Variants in CCBE1 observed in about 807,000 individuals in gnomAD.
CCBE1 encodes the protein collagen and calcium binding EGF domains 1, also known as collagen and calcium-binding EGF domain-containing protein 1.
In CCBE1, 37 loss-of-function variants were observed where a neutral mutation model predicts 50.0. That is an observed-to-expected ratio of 0.74 (90% CI 0.57 to 0.97). The LOEUF is 0.97. CCBE1 is among the 50% of genes least tolerant of loss of function. The pLI, the probability that CCBE1 is intolerant of heterozygous loss-of-function variation, is 0.00. For synonymous variants in CCBE1, 234 were observed against 203.7 expected, an observed-to-expected ratio of 1.15 and a Z score of -1.27; for missense variants, 538 against 523.8, an observed-to-expected ratio of 1.03 and a Z score of -0.26.
At chr18:59,543,934 C>T (rs142505546) in intron 2 of CCBE1, among the ~76,000 whole-genome samples, 3 of 150,636 alleles carry the variant, frequency 2.0e-5, no homozygotes, top group African/African-American at 4.9e-5. Flanking sequence ...TGTGTTTAAA[C>T]GAGCATCACC....
intron 3 of CCBE1, among the ~76,000 whole-genome samples, chr18:59,478,806 T>C (rs183381866): frequency 5.9e-5 from 9 of 152,356 alleles, no homozygotes; most frequent in East Asian, 1.9e-4. Flanking sequence ...AAAGCTGTTA[T>C]AGAAAGAAGT....
chr18:59,479,175 C>T (rs535993035), intron 3 of CCBE1, among the ~76,000 whole-genome samples: 1 of 152,298 alleles, frequency 6.6e-6, no homozygotes, highest in South Asian at 2.1e-4. Flanking sequence ...CATTCCCCAC[C>T]CACCTCACCC....
intron 9 of CCBE1, 93 bp from the exon 10 acceptor site, chr18:59,438,239 C>A: frequency 1.8e-6 from 2 of 1,106,620 alleles, no homozygotes; most frequent in Admixed American, 3.6e-5. Context: ...CACTTCCCTG[C>A]ACAAAACAAT....
At chr18:59,471,812 T>C (rs962033601) in intron 3 of CCBE1, among the ~76,000 whole-genome samples, 1 of 152,228 alleles carries the variant, frequency 6.6e-6, no homozygotes, top group Non-Finnish European at 1.5e-5. Flanking sequence ...CTGGTTTGCT[T>C]CCTGGGCTTC....
Position 59,447,981 on chromosome 18 carries a change from AC to A in CCBE1, c.775+1del, listed in dbSNP as rs773665668. 2 of 1,613,984 alleles carry A rather than the reference AC, an allele frequency of 1.2e-6. No homozygotes were observed. The highest frequency in any genetic ancestry group is 2.2e-5 in the South Asian group (2 of 91,066). Reference sequence around the variant, plus strand: ...CCCTCCTGTGCCCTCTTCCACACTCACCGGGAGGGCCCTGGCCCCCAGGCAG... The same window carrying A: ...CCCTCCTGTGCCCTCTTCCACACTCACGGGAGGGCCCTGGCCCCCAGGCAG... On this transcript the variant is annotated splice_donor_variant, in intron 7 of 10. Coordinates refer to ENST00000439986, the MANE Select transcript of CCBE1 (RefSeq NM_133459.4). LOFTEE classifies it high-confidence loss of function.
At chr18:59,500,423 T>C (rs1176868486) in intron 2 of CCBE1, among the ~76,000 whole-genome samples, 1 of 152,190 alleles carries the variant, frequency 6.6e-6, no homozygotes, top group Non-Finnish European at 1.5e-5. Flanking sequence ...CTTGTTGGTG[T>C]CTTTCTGCTG....
intron 2 of CCBE1, among the ~76,000 whole-genome samples, chr18:59,534,035 G>C (rs768793994): frequency 1.3e-5 from 2 of 152,174 alleles, no homozygotes; most frequent in Non-Finnish European, 2.9e-5. Context: ...TTGACTTGGA[G>C]AATCCCCATA....
At chr18:59,499,373 A>C (rs900130938) in intron 2 of CCBE1, among the ~76,000 whole-genome samples, 2 of 152,096 alleles carry the variant, frequency 1.3e-5, no homozygotes, top group African/African-American at 4.8e-5. Context: ...CCAATAAATG[A>C]CACCAGGTGT....
At chr18:59,674,494 A>G (rs903054863) in intron 2 of CCBE1, among the ~76,000 whole-genome samples, 1 of 152,220 alleles carries the variant, frequency 6.6e-6, no homozygotes, top group Non-Finnish European at 1.5e-5. Flanking sequence ...GGAGAGGGAC[A>G]GCATTAGGAA....
In CCBE1 at chr18:59,514,538, C is replaced by T. The variant is rs376656250; in HGVS notation, c.213-34300G>A. ...CAGACTCCGAGGTTGGAGCCCTGTG[C>T]GTGTGAGGGTAGCTGCTGGCGGGGT... is the stretch of plus-strand genomic sequence containing the variant. On this transcript the variant is annotated intron_variant, in intron 2 of 10. Transcript: ENST00000439986. Among the ~76,000 whole-genome samples the T allele has an allele frequency of 1.9e-4, 29 of 150,632 alleles. 1 individual carries two copies. In the East Asian group the frequency reaches 3.9e-3, roughly 20 times the overall value.
At chr18:59,508,711 C>CTTTTTTTTTTGTTTTTTTTTTTTTTTT (rs1913996635) in intron 2 of CCBE1, among the ~76,000 whole-genome samples, 1 of 95,684 alleles carries the variant, frequency 1.0e-5, no homozygotes, top group African/African-American at 4.5e-5. Context: ...TAGAGTTACG[C>CTTTTTTTTTTGTTTTTTTTTTTTTTTT]TTTTTTTTTT....
intron 2 of CCBE1, among the ~76,000 whole-genome samples, chr18:59,692,956 G>GCACACACA (rs59496597): frequency 1.3e-3 from 111 of 86,964 alleles, no homozygotes; most frequent in African/African-American, 4.1e-3. Context: ...TCAAGCCAAA[G>GCACACACA]CACACACACA....
chr18:59,521,592 A>G (rs1286242721), intron 2 of CCBE1, among the ~76,000 whole-genome samples: 1 of 152,220 alleles, frequency 6.6e-6, no homozygotes, highest in Non-Finnish European at 1.5e-5. Flanking sequence ...TACTTCTGCC[A>G]GCCATAGATT....
rs1248167038 is a variant in CCBE1 at position 59,435,248 on chromosome 18, T to C, written c.*660A>G. 1 of 152,474 alleles carries C rather than the reference T, an allele frequency of 6.6e-6. No homozygotes were observed. The highest frequency in any genetic ancestry group is 1.5e-5 in the Non-Finnish European group (1 of 68,248). 9.4% of individuals were successfully genotyped at this position (152,474 alleles called of 1,614,324 possible). On this transcript the variant is annotated 3_prime_UTR_variant, in exon 11 of 11. Coordinates refer to ENST00000439986, the MANE Select transcript of CCBE1 (RefSeq NM_133459.4). ...GTATTTGAATTTTAGAATGTGGCAA[T>C]CTATATAACAGTAAATATATGACTG... is the stretch of plus-strand genomic sequence containing the variant.
Position 59,633,731 on chromosome 18 carries a change from GTTT to G in CCBE1, c.212+62895_212+62897del, listed in dbSNP as rs565486478. Among the ~76,000 whole-genome samples, 7 of 140,400 alleles carry G rather than the reference GTTT, an allele frequency of 5.0e-5. No homozygotes were observed. In the South Asian group the frequency reaches 6.8e-4, roughly 14 times the overall value. 92.1% of individuals were successfully genotyped at this position (140,400 alleles called of 152,430 possible). On this transcript the variant is annotated intron_variant, in intron 2 of 10. Coordinates refer to ENST00000439986, the MANE Select transcript of CCBE1 (RefSeq NM_133459.4). ...CTGCTTCTTCCTAAATTTAGGGTTT[GTTT>G]TTTTTTTTTTAAAATAAAACCTATG...
chr18:59,454,055 C>A, intron 6 of CCBE1, among the ~76,000 whole-genome samples: 1 of 152,102 alleles, frequency 6.6e-6, no homozygotes, highest in Non-Finnish European at 1.5e-5. Context: ...TCAGAAAGGG[C>A]ATAGACTATA....
intron 2 of CCBE1, among the ~76,000 whole-genome samples, chr18:59,514,936 G>A (rs1004586832): frequency 1.3e-5 from 2 of 152,114 alleles, no homozygotes; most frequent in Non-Finnish European, 2.9e-5. Context: ...AACCCAAGGG[G>A]CCAGGTTCCG....
At chr18:59,674,892 A>G (rs759870769) in intron 2 of CCBE1, among the ~76,000 whole-genome samples, 10 of 152,254 alleles carry the variant, frequency 6.6e-5, no homozygotes, top group Non-Finnish European at 1.5e-4. Flanking sequence ...TTAATAAATA[A>G]CAATAACATT....
At chr18:59,447,396 AGGAT>A (rs1237754231) in intron 7 of CCBE1, among the ~76,000 whole-genome samples, 1 of 152,246 alleles carries the variant, frequency 6.6e-6, no homozygotes, top group Non-Finnish European at 1.5e-5. Flanking sequence ...CTTGAAATAT[AGGAT>A]GGGAGTTACA....
Sources: gnomAD v4.1 joint callset for allele counts (sites outside exome capture counted in the v4.1 genomes callset) on GRCh38, gnomAD v4.1.1 for gene constraint, MANE v1.5 for transcripts, NCBI Gene and HGNC (gene_info 2026-07-23, HGNC 2026-07-21) for gene names.